ARHGAP15: variants seen among roughly 807,000 people sequenced by gnomAD.
The protein encoded by ARHGAP15 is Rho GTPase activating protein 15.
ARHGAP15 carries 51 observed loss-of-function variants against 63.7 expected under a neutral mutation model. The ratio of observed to expected loss-of-function variants is 0.80; its 90% CI spans 0.64 to 1.01. The LOEUF (loss-of-function observed/expected upper bound fraction) is 1.01. Ranked by LOEUF, ARHGAP15 falls within the 50% of genes least tolerant of loss-of-function variation. The pLI is 0.00. For synonymous variants in ARHGAP15, 191 were observed against 193.8 expected (o/e 0.99, Z 0.12); for missense variants, 560 against 564.6 (o/e 0.99, Z 0.08).
chr2:143,345,553 ATCTG>A (rs545261424), intron 6 of ARHGAP15, among the ~76,000 whole-genome samples: 95 of 152,212 alleles, frequency 6.2e-4, no homozygotes, highest in African/African-American at 8.9e-4. Flanking sequence ...ATTACAGGGA[ATCTG>A]TCTGTATTTT....
rs553928874 is a variant in ARHGAP15, at chr2:143,633,601, G to T, written c.1138+9334G>T. ...TTCAAAGCAATAAACTCTTCAAGCTGAGCAACCAGCCAGGCAGCCTTCATG... is the reference window on the plus strand; with the variant it reads ...TTCAAAGCAATAAACTCTTCAAGCTTAGCAACCAGCCAGGCAGCCTTCATG... On this transcript the variant is annotated intron_variant, in intron 12 of 13. Coordinates refer to ENST00000295095, the MANE Select transcript of ARHGAP15 (RefSeq NM_018460.4). Among the ~76,000 whole-genome samples, 5 of 152,204 alleles carry T rather than the reference G, an allele frequency of 3.3e-5. No individual in the cohort carries two copies. The South Asian group carries it at 8.3e-4, about 25-fold the overall frequency.
rs1181918442 is a variant in ARHGAP15 at position 143,566,926 on chromosome 2, C to T, written c.1003+10441C>T. ...TTTTTGAGACAGAGTCTCGCTCTGT[C>T]GCCCAGTGCCACGATCTCGGTTCAC... On this transcript the variant is annotated intron_variant, in intron 11 of 13. Coordinates refer to ENST00000295095, the MANE Select transcript of ARHGAP15 (RefSeq NM_018460.4). Among the ~76,000 whole-genome samples, 6 of 151,466 alleles carry T rather than the reference C, an allele frequency of 4.0e-5. 1 individual carries two copies. Among genetic ancestry groups the T allele is most frequent in the Non-Finnish European group, 8.8e-5 (6 of 67,864 alleles).
intron 5 of ARHGAP15, among the ~76,000 whole-genome samples, chr2:143,229,090 AAG>A (rs1459779177): frequency 1.3e-5 from 2 of 152,160 alleles, no homozygotes; most frequent in Non-Finnish European, 1.5e-5. Context: ...AGAATATTAT[AAG>A]ACGTAAATCA....
At chr2:143,410,803 G>A (rs1688407790) in intron 6 of ARHGAP15, among the ~76,000 whole-genome samples, 1 of 138,082 alleles carries the variant, frequency 7.2e-6, no homozygotes. Flanking sequence ...AAATCTGAAG[G>A]AGGTGAAGGT....
chr2:143,752,168 C>T (rs1224498038), intron 13 of ARHGAP15, among the ~76,000 whole-genome samples: 1 of 152,128 alleles, frequency 6.6e-6, no homozygotes, highest in African/African-American at 2.4e-5. Context: ...AATTAAGCCC[C>T]ACCAGCTGGC....
chr2:143,541,783 C>T (rs1695067008), intron 10 of ARHGAP15, among the ~76,000 whole-genome samples: 1 of 152,170 alleles, frequency 6.6e-6, no homozygotes, highest in Non-Finnish European at 1.5e-5. Context: ...GTTAGTCTGC[C>T]CCTACTGGGG....
rs187023234 is a variant in ARHGAP15, at chr2:143,263,028, G to A, written c.474+12428G>A. Among the ~76,000 whole-genome samples the A allele has an allele frequency of 2.0e-5, 3 of 152,176 alleles. No individual in the cohort carries two copies. The East Asian group carries it at 5.8e-4, about 29-fold the overall frequency. ...ATGTAACATCATGTATCAATGGTGT[G>A]CCATGCATTGATTCAGTGAATATAC... On this transcript the variant is annotated intron_variant, in intron 6 of 13. Coordinates refer to ENST00000295095, the MANE Select transcript of ARHGAP15 (RefSeq NM_018460.4).
chr2:143,589,748 G>T (rs1039148403), intron 11 of ARHGAP15, among the ~76,000 whole-genome samples: 1 of 152,122 alleles, frequency 6.6e-6, no homozygotes, highest in African/African-American at 2.4e-5. Context: ...GGTAGGATGA[G>T]GTTCCTGTTC....
chr2:143,151,510 G>A (rs916415948), intron 1 of ARHGAP15, among the ~76,000 whole-genome samples: 13 of 151,958 alleles, frequency 8.6e-5, no homozygotes, highest in Admixed American at 6.6e-5. Flanking sequence ...AGAGTTAAGG[G>A]AAAGTCTGAC....
At chr2:143,334,049 C>T (rs781127498) in intron 6 of ARHGAP15, among the ~76,000 whole-genome samples, 3 of 152,130 alleles carry the variant, frequency 2.0e-5, no homozygotes, top group Non-Finnish European at 4.4e-5. Context: ...TTTAAGGTGA[C>T]ACCCTAAGTG....
intron 2 of ARHGAP15, among the ~76,000 whole-genome samples, chr2:143,188,277 T>C (rs1691525875): frequency 6.6e-6 from 1 of 152,108 alleles, no homozygotes; most frequent in Admixed American, 6.6e-5. Context: ...TTTCCAACTA[T>C]GTCAATAATT....
At chr2:143,552,296 C>T (rs1695599845) in intron 10 of ARHGAP15, among the ~76,000 whole-genome samples, 2 of 152,126 alleles carry the variant, frequency 1.3e-5, no homozygotes, top group Admixed American at 1.3e-4. Context: ...ATGGTTTGTC[C>T]ATCATTCGGG....
At chr2:143,415,763 G>GTA (rs1372637733) in intron 6 of ARHGAP15, among the ~76,000 whole-genome samples, 2 of 152,030 alleles carry the variant, frequency 1.3e-5, no homozygotes, top group African/African-American at 2.4e-5. Context: ...AGAAACTGTG[G>GTA]TATATATATA....
intron 6 of ARHGAP15, among the ~76,000 whole-genome samples, chr2:143,390,980 G>A (rs1687514500): frequency 1.3e-5 from 2 of 152,166 alleles, no homozygotes; most frequent in Admixed American, 1.3e-4. Context: ...GTTTTACTCA[G>A]TTTGTGGTAA....
At chr2:143,560,194 G>C (rs1695963393) in intron 11 of ARHGAP15, among the ~76,000 whole-genome samples, 1 of 152,162 alleles carries the variant, frequency 6.6e-6, no homozygotes, top group Non-Finnish European at 1.5e-5. Flanking sequence ...TTCCAGTTCA[G>C]ATGACATGCA....
At chr2:143,456,410 C>A (rs552952459) in intron 8 of ARHGAP15, among the ~76,000 whole-genome samples, 18 of 151,804 alleles carry the variant, frequency 1.2e-4, no homozygotes, top group Non-Finnish European at 1.5e-4. Flanking sequence ...GTGTTACATA[C>A]TAAAATTAAC....
At chr2:143,749,920 T>C (rs1182628926) in intron 13 of ARHGAP15, among the ~76,000 whole-genome samples, 2 of 152,138 alleles carry the variant, frequency 1.3e-5, no homozygotes, top group Admixed American at 6.6e-5. Flanking sequence ...GGACAGATCA[T>C]TAACCAAGAA....
intron 10 of ARHGAP15, among the ~76,000 whole-genome samples, chr2:143,547,608 G>A (rs1022052539): frequency 4.0e-5 from 6 of 150,482 alleles, no homozygotes; most frequent in African/African-American, 1.5e-4. Flanking sequence ...CAAGAACTAA[G>A]TATAAATATA....
intron 11 of ARHGAP15, among the ~76,000 whole-genome samples, chr2:143,586,391 A>G (rs975838386): frequency 6.6e-6 from 1 of 151,926 alleles, no homozygotes. Flanking sequence ...CTTCAAGAGA[A>G]CTAGTCCTAT....
Sources: allele counts gnomAD v4.1 joint callset (sites outside exome capture counted in the v4.1 genomes callset), GRCh38; gene constraint gnomAD v4.1.1; transcripts MANE v1.5; gene names NCBI Gene and HGNC (gene_info 2026-07-23, HGNC 2026-07-21).